ZSWIM7: variants seen among roughly 807,000 people sequenced by gnomAD.
The protein encoded by ZSWIM7 is zinc finger SWIM domain-containing protein 7.
In ZSWIM7, 22 loss-of-function variants were observed where a neutral mutation model predicts 21.1. The observed-to-expected ratio is 1.04, with a 90% CI of 0.74 to 1.49. ZSWIM7 has a LOEUF of 1.49. Among genes scored for constraint, ZSWIM7 ranks in the 40% most tolerant of loss-of-function variants. The probability of loss-of-function intolerance (pLI) is 0.00; values close to 1 mark genes in which losing one functional copy is unlikely to be tolerated. For synonymous variants in ZSWIM7, 67 were observed against 66.5 expected (o/e 1.01, Z -0.04); for missense variants, 193 against 168.0 (o/e 1.15, Z -0.82).
chr17:15,999,358 G>GTT, intron 1 of ZSWIM7, 161 bp downstream of exon 1: 1 of 989,700 alleles, frequency 1.0e-6, no homozygotes. Context: ...CTTTTTTGTT[G>GTT]TTTTGTTTTT....
chr17:15,986,417 C>T (rs906207040), intron 3 of ZSWIM7, among the ~76,000 whole-genome samples: 4 of 152,196 alleles, frequency 2.6e-5, no homozygotes, highest in African/African-American at 9.6e-5. Flanking sequence ...AAGCCAGGTA[C>T]AGAATGACAA....
intron 3 of ZSWIM7, among the ~76,000 whole-genome samples, chr17:15,985,001 G>C (rs941502388): frequency 6.6e-6 from 1 of 152,072 alleles, no homozygotes; most frequent in Non-Finnish European, 1.5e-5. Context: ...CTTATTAAGT[G>C]AATCAAAAAA....
At chr17:15,994,148 T>G (rs1970519031) in intron 1 of ZSWIM7, among the ~76,000 whole-genome samples, 1 of 152,204 alleles carries the variant, frequency 6.6e-6, no homozygotes, top group South Asian at 2.1e-4. Context: ...AGATGGGGTT[T>G]CACCATGCTG....
chr17:15,998,494 G>A (rs1335730658), intron 1 of ZSWIM7, among the ~76,000 whole-genome samples: 1 of 152,194 alleles, frequency 6.6e-6, no homozygotes, highest in East Asian at 1.9e-4. Flanking sequence ...TTGGGGGCCT[G>A]ATATGGCTGT....
rs1313885935 is a variant in ZSWIM7, at chr17:15,977,825, G to C, written c.*222C>G. The C allele has an allele frequency of 4.6e-6, 2 of 431,956 alleles. No homozygotes were observed. The highest frequency in any genetic ancestry group is 8.4e-6 in the Non-Finnish European group (2 of 237,056). The allele number at this position is 431,956 out of a possible 1,614,324, so 26.8% of individuals were successfully genotyped here. A position where few individuals can be genotyped will look rare whatever the true frequency, so the allele number is the denominator to read the frequency against. ...CGAAGCGTCTCAGAGACTGGCTCAG[G>C]GTATTTCTTGACAAGACTGTACAGG... On this transcript the variant is annotated 3_prime_UTR_variant, in exon 5 of 5. Coordinates refer to ENST00000399277, the MANE Select transcript of ZSWIM7 (RefSeq NM_001042697.2).
chr17:15,996,315 A>G (rs186843893), intron 1 of ZSWIM7, among the ~76,000 whole-genome samples: 1 of 151,868 alleles, frequency 6.6e-6, no homozygotes, highest in African/African-American at 2.4e-5. Flanking sequence ...AAAAAAACCC[A>G]AAAAAACAAA....
intron 3 of ZSWIM7, among the ~76,000 whole-genome samples, chr17:15,983,335 A>T (rs1475006579): frequency 2.7e-5 from 3 of 110,000 alleles, no homozygotes; most frequent in Admixed American, 1.2e-4. Flanking sequence ...ACAGGGCAAG[A>T]CTCTGTCTCA....
intron 1 of ZSWIM7, 41 bp from the exon 2 acceptor site, chr17:15,993,819 G>A: frequency 7.0e-7 from 1 of 1,437,968 alleles, no homozygotes; most frequent in Non-Finnish European, 9.6e-7. Context: ...ATCATATTAA[G>A]CAGTGACCAT....
rs1473108565 is a variant in ZSWIM7 at position 15,993,649 on chromosome 17, AGCCACTGC to A, written c.98+100_98+107del. 87 of 860,918 alleles carry A rather than the reference AGCCACTGC, an allele frequency of 1.0e-4. No individual in the cohort carries two copies. The East Asian group carries it at 2.2e-3, about 22-fold the overall frequency. The allele number at this position is 860,918 out of a possible 1,614,324, so 53.3% of individuals were successfully genotyped here. ...CCAAAGTGCTGGGATTATAGGCGTG[AGCCACTGC>A]GCCCGGTCAAGAGTATTTTTAAAAA... On this transcript the variant is annotated intron_variant, in intron 2 of 4. Transcript: ENST00000399277.
In ZSWIM7 at chr17:15,977,927, G is replaced by T; in HGVS notation, c.*120C>A. 1.2e-6 allele frequency: 1 copy of T among 841,832 alleles called. No homozygotes were observed. Among genetic ancestry groups the T allele is most frequent in the Non-Finnish European group, 1.9e-6 (1 of 516,828 alleles). The allele number at this position is 841,832 out of a possible 1,614,324, so 52.1% of individuals were successfully genotyped here. ...CCTCCTGCAGTCCTGGAGGGAAAAG[G>T]GACAGTAACATGAAGTGTCTGAAGA... On this transcript the variant is annotated 3_prime_UTR_variant, in exon 5 of 5. Transcript: ENST00000399277.
At position 15,987,294 on chromosome 17, in the gene ZSWIM7, G is replaced by A; in HGVS notation, c.173C>T (p.Ser58Leu). ...LVDRQSITLI[S>L]SPSGRRVYQV... ...GTAAACACGCCTTCCACTGGGTGAT[G>A]AGATTAAGGTGATGGACTGTCGATC... is the stretch of plus-strand genomic sequence containing the variant. Residue 58 changes from serine (S) to leucine (L), a missense_variant, in exon 3 of 5, where the codon TCA becomes TTA. Ser to Leu is a moderately radical substitution (Grantham distance 145). Coordinates refer to ENST00000399277, the MANE Select transcript of ZSWIM7 (RefSeq NM_001042697.2). 6.2e-7 allele frequency: 1 copy of A among 1,613,276 alleles called. No individual in the cohort carries two copies. The highest frequency in any genetic ancestry group is 8.5e-7 in the Non-Finnish European group (1 of 1,179,646).
intron 1 of ZSWIM7, among the ~76,000 whole-genome samples, chr17:15,994,137 G>C (rs1261791190): frequency 3.9e-5 from 6 of 152,112 alleles, no homozygotes; most frequent in South Asian, 2.1e-4. Flanking sequence ...ATGTTTAGTA[G>C]AGATGGGGTT....
chr17:15,981,476 G>A (rs898334902), intron 3 of ZSWIM7, among the ~76,000 whole-genome samples: 1 of 149,588 alleles, frequency 6.7e-6, no homozygotes, highest in African/African-American at 2.5e-5. Context: ...AGTGGGGGGG[G>A]GGAATCTCTC....
At chr17:15,990,016 C>A (rs573804936) in intron 2 of ZSWIM7, among the ~76,000 whole-genome samples, 1 of 151,984 alleles carries the variant, frequency 6.6e-6, no homozygotes, top group East Asian at 1.9e-4. Flanking sequence ...GTCAGCAGAT[C>A]GAGACCATCC....
At chr17:15,980,988 G>C (rs1445420719) in intron 4 of ZSWIM7, 52 bp downstream of exon 4, 2 of 1,359,774 alleles carry the variant, frequency 1.5e-6, no homozygotes, top group East Asian at 4.8e-5. Context: ...CAAAGTAAGG[G>C]CAATTTCTCT....
At chr17:15,993,808 A>T in intron 1 of ZSWIM7, 30 bp from the exon 2 acceptor site, 1 of 1,490,140 alleles carries the variant, frequency 6.7e-7, no homozygotes, top group Non-Finnish European at 9.3e-7. Flanking sequence ...AAAAAAAGTT[A>T]ATCATATTAA....
At chr17:15,979,415 A>G (rs900467999) in intron 4 of ZSWIM7, among the ~76,000 whole-genome samples, 2 of 152,172 alleles carry the variant, frequency 1.3e-5, no homozygotes, top group Admixed American at 1.3e-4. Flanking sequence ...GCAACCATCC[A>G]ATTTCTCAAT....
intron 2 of ZSWIM7, chr17:15,991,031 C>CTGGGAGGCAGAGG (rs1373147919): frequency 3.9e-5 from 6 of 152,076 alleles, no homozygotes; most frequent in African/African-American, 1.5e-4. Flanking sequence ...TCACTGGAAC[C>CTGGGAGGCAGAGG]TGGGAGGCAG....
chr17:15,979,676 C>CT (rs1342293078), intron 4 of ZSWIM7, among the ~76,000 whole-genome samples: 2 of 132,950 alleles, frequency 1.5e-5, no homozygotes, highest in Non-Finnish European at 3.2e-5. Flanking sequence ...ACTGACCCCC[C>CT]CCACCTCCCT....
Sources: allele counts gnomAD v4.1 joint callset (sites outside exome capture counted in the v4.1 genomes callset), GRCh38; gene constraint gnomAD v4.1.1; transcripts MANE v1.5; gene names NCBI Gene and HGNC (gene_info 2026-07-23, HGNC 2026-07-21).